Variants in SSBP3 observed in about 807,000 individuals in gnomAD.
The protein encoded by SSBP3 is single-stranded DNA-binding protein 3.
SSBP3 carries 5 observed loss-of-function variants against 69.6 expected under a neutral mutation model. That is an observed-to-expected ratio of 0.07 (90% CI 0.04 to 0.15). SSBP3 has a LOEUF of 0.15. SSBP3 is among the 10% of genes least tolerant of loss of function. The probability of loss-of-function intolerance (pLI) is 1.00; values close to 1 mark genes in which losing one functional copy is unlikely to be tolerated. For missense variants in SSBP3, 312 were observed against 534.0 expected, an observed-to-expected ratio of 0.58 and a Z score of 4.10; for synonymous variants, 196 against 193.4, an observed-to-expected ratio of 1.01 and a Z score of -0.11.
chr1:54,242,076 C>A, intron 11 of SSBP3, 88 bp downstream of exon 11: 1 of 1,475,398 alleles, frequency 6.8e-7, no homozygotes, highest in South Asian at 1.2e-5. Flanking sequence ...TCCCACTTCC[C>A]GTGACACCTA....
At chr1:54,242,311 A>T in intron 10 of SSBP3, 99 bp from the exon 11 acceptor site, 1 of 1,416,032 alleles carries the variant, frequency 7.1e-7, no homozygotes, top group South Asian at 1.2e-5. Flanking sequence ...AAATCACAAC[A>T]GGAAGTCCTT....
At chr1:54,252,364 A>C (rs1310802062) in intron 7 of SSBP3, among the ~76,000 whole-genome samples, 4 of 152,212 alleles carry the variant, frequency 2.6e-5, no homozygotes, top group Non-Finnish European at 5.9e-5. Flanking sequence ...GCCCCATTTA[A>C]AGGGGAAAAG....
At chr1:54,381,372 TAC>T (rs1350932080) in intron 4 of SSBP3, among the ~76,000 whole-genome samples, 15 of 101,024 alleles carry the variant, frequency 1.5e-4, no homozygotes, top group African/African-American at 5.8e-4. Flanking sequence ...GACAGAGTGA[TAC>T]ACCATCTCAA....
At chr1:54,399,600 AAGG>A (rs1251204218) in intron 4 of SSBP3, among the ~76,000 whole-genome samples, 5 of 152,152 alleles carry the variant, frequency 3.3e-5, no homozygotes, top group African/African-American at 1.2e-4. Context: ...GTCCTCCAAG[AAGG>A]AGGTCTTAAA....
rs866023053 is a variant in SSBP3 at position 54,316,681 on chromosome 1, T to A, written c.277-35154A>T. On this transcript the variant is annotated intron_variant, in intron 4 of 17. Transcript: ENST00000610401. ...AAAATAAAATAAATAAATAAATAAA[T>A]AAATAAATAAATAAATAAATAAATA... 8.9e-3 allele frequency among the ~76,000 whole-genome samples: 1,004 copies of A among 112,668 alleles called. 44 individuals carry two copies. Among genetic ancestry groups the A allele is most frequent in the East Asian group, 0.049 (148 of 3,046 alleles). 73.9% of individuals were successfully genotyped at this position (112,668 alleles called of 152,430 possible).
intron 4 of SSBP3, among the ~76,000 whole-genome samples, chr1:54,303,466 G>T (rs1320533439): frequency 6.6e-6 from 1 of 152,160 alleles, no homozygotes; most frequent in Non-Finnish European, 1.5e-5. Context: ...CCCTCACTAT[G>T]CACTGGGTTC....
At chr1:54,329,884 G>C (rs1346642087) in intron 4 of SSBP3, among the ~76,000 whole-genome samples, 2 of 152,176 alleles carry the variant, frequency 1.3e-5, no homozygotes, top group African/African-American at 4.8e-5. Context: ...GTACGGAGGG[G>C]AGAGGAACAC....
intron 4 of SSBP3, among the ~76,000 whole-genome samples, chr1:54,399,145 G>GT (rs1343568410): frequency 1.3e-4 from 20 of 152,322 alleles, no homozygotes; most frequent in African/African-American, 4.6e-4. Flanking sequence ...TACATGGAAG[G>GT]TACTGTGGGA....
At position 54,394,629 on chromosome 1, in the gene SSBP3, C is replaced by G. The variant is rs568827833; in HGVS notation, c.276+7232G>C. ...GAAAAAGAAGCCAATGTGGCCAGAACCAGCTTCCCATGGACCTGCCATGGC... is the reference window on the plus strand; with the variant it reads ...GAAAAAGAAGCCAATGTGGCCAGAAGCAGCTTCCCATGGACCTGCCATGGC... On this transcript the variant is annotated intron_variant, in intron 4 of 17. Coordinates refer to ENST00000610401, the Ensembl canonical transcript of SSBP3. Among the ~76,000 whole-genome samples, 13 of 151,604 alleles carry G rather than the reference C, an allele frequency of 8.6e-5. No homozygotes were observed. The South Asian group carries it at 2.7e-3, about 32-fold the overall frequency.
At chr1:54,262,414 G>T (rs900941513) in intron 5 of SSBP3, among the ~76,000 whole-genome samples, 1 of 152,186 alleles carries the variant, frequency 6.6e-6, no homozygotes, top group Non-Finnish European at 1.5e-5. Context: ...ATCTGTCAGG[G>T]CAGAAAGCAA....
intron 7 of SSBP3, among the ~76,000 whole-genome samples, chr1:54,253,689 T>A (rs1195266443): frequency 6.6e-6 from 1 of 152,196 alleles, no homozygotes; most frequent in South Asian, 2.1e-4. Context: ...TATAGAGTCC[T>A]GGTGACTCAG....
intron 5 of SSBP3, among the ~76,000 whole-genome samples, chr1:54,262,383 T>C (rs775471124): frequency 2.4e-4 from 36 of 152,040 alleles, no homozygotes; most frequent in Non-Finnish European, 4.1e-4. Context: ...TCTACAAGAC[T>C]GCGAGCAGCA....
At chr1:54,289,473 C>T (rs188129444) in intron 4 of SSBP3, among the ~76,000 whole-genome samples, 36 of 152,258 alleles carry the variant, frequency 2.4e-4, no homozygotes, top group Non-Finnish European at 3.4e-4. Flanking sequence ...TGGGGCCACC[C>T]AGACTGCGCT....
rs139925550 is a variant in SSBP3 at position 54,293,546 on chromosome 1, C to G, written c.277-12019G>C. Among the ~76,000 whole-genome samples, 48 of 152,326 alleles carry G rather than the reference C, an allele frequency of 3.2e-4. No individual in the cohort carries two copies. The East Asian group carries it at 8.7e-3, about 28-fold the overall frequency. On this transcript the variant is annotated intron_variant, in intron 4 of 17. Coordinates refer to ENST00000610401, the Ensembl canonical transcript of SSBP3. ...ATTATTACTTACACATATTTAGTAC[C>G]TAGTACCAGCTTACAAAGGCCTTTC...
chr1:54,257,288 G>C, intron 6 of SSBP3, 102 bp from the exon 7 acceptor site: 2 of 1,028,300 alleles, frequency 1.9e-6, no homozygotes, highest in South Asian at 3.6e-5. Context: ...TATAACTAGT[G>C]ATCTTTTAAG....
upstream of SSBP3, among the ~76,000 whole-genome samples, chr1:54,409,388 C>T (rs911787259): frequency 1.3e-5 from 2 of 152,116 alleles, no homozygotes. Flanking sequence ...CTGTCTCCCC[C>T]ACCAGACTGG....
At chr1:54,303,498 C>G (rs1645841820) in intron 4 of SSBP3, among the ~76,000 whole-genome samples, 1 of 152,230 alleles carries the variant, frequency 6.6e-6, no homozygotes, top group Non-Finnish European at 1.5e-5. Context: ...CTTCCTTGCA[C>G]TCATCCCGTT....
At chr1:54,403,738 CTTTCT>C (rs1248018481) in intron 3 of SSBP3, among the ~76,000 whole-genome samples, 2 of 152,166 alleles carry the variant, frequency 1.3e-5, no homozygotes, top group African/African-American at 2.4e-5. Context: ...AGCCACTCTG[CTTTCT>C]TTTCTTTTTC....
At chr1:54,394,744 C>T (rs999623938) in intron 4 of SSBP3, among the ~76,000 whole-genome samples, 5 of 148,516 alleles carry the variant, frequency 3.4e-5, no homozygotes, top group Non-Finnish European at 7.4e-5. Flanking sequence ...GCTCTGTCCC[C>T]CATGCTGGAG....
Sources: allele counts gnomAD v4.1 joint callset (sites outside exome capture counted in the v4.1 genomes callset), GRCh38; gene constraint gnomAD v4.1.1; transcripts MANE v1.5; gene names NCBI Gene and HGNC (gene_info 2026-07-23, HGNC 2026-07-21).